The following MAML3 variants were observed in gnomAD, a reference collection of about 807,000 sequenced individuals.
MAML3 encodes mastermind like transcriptional coactivator 3.
A neutral mutation model predicts 101.9 loss-of-function variants in MAML3; 27 were observed. The observed-to-expected ratio is 0.27, with a 90% CI of 0.20 to 0.37. The LOEUF is 0.37. MAML3 is among the 10% of genes least tolerant of loss of function. The probability of loss-of-function intolerance (pLI) is 1.00; values close to 1 mark genes in which losing one functional copy is unlikely to be tolerated. For missense variants in MAML3, 1,316 were observed against 1,444.9 expected (o/e 0.91, Z 1.45); for synonymous variants, 501 against 555.9 (o/e 0.90, Z 1.39).
intron 1 of MAML3, among the ~76,000 whole-genome samples, chr4:139,951,437 G>A (rs990535520): frequency 3.9e-5 from 6 of 152,248 alleles, no homozygotes; most frequent in Non-Finnish European, 7.3e-5. Context: ...CACCAGTGAG[G>A]TCACAGGTTG....
chr4:139,813,238 G>GA (rs201937305), intron 2 of MAML3, among the ~76,000 whole-genome samples: 2,847 of 152,074 alleles, frequency 0.019, 48 homozygotes, highest in Non-Finnish European at 0.03. Flanking sequence ...GAAACGAGAA[G>GA]AAAAAATAGA....
intron 2 of MAML3, among the ~76,000 whole-genome samples, chr4:139,853,145 G>A (rs1731590433): frequency 6.6e-6 from 1 of 152,038 alleles, no homozygotes; most frequent in South Asian, 2.1e-4. Flanking sequence ...CACATTCCAG[G>A]GAACTCTACA....
intron 2 of MAML3, among the ~76,000 whole-genome samples, chr4:139,885,966 A>G (rs1453216722): frequency 4.0e-5 from 6 of 148,494 alleles, no homozygotes; most frequent in Admixed American, 6.7e-5. Context: ...AAGAAAGAGA[A>G]AAAAAGTAAA....
intron 2 of MAML3, among the ~76,000 whole-genome samples, chr4:139,810,579 T>A (rs533726406): frequency 6.6e-6 from 1 of 152,330 alleles, no homozygotes; most frequent in African/African-American, 2.4e-5. Flanking sequence ...CAGAGGGATC[T>A]GTGAGTGATC....
At chr4:140,052,915 G>C (rs1465987156) in intron 1 of MAML3, among the ~76,000 whole-genome samples, 3 of 152,116 alleles carry the variant, frequency 2.0e-5, no homozygotes, top group Non-Finnish European at 1.5e-5. Flanking sequence ...CCTCCTAACA[G>C]GGAAAGTGAG....
intron 1 of MAML3, among the ~76,000 whole-genome samples, chr4:140,146,994 G>A (rs1382271889): frequency 6.6e-6 from 1 of 151,916 alleles, no homozygotes; most frequent in Non-Finnish European, 1.5e-5. Flanking sequence ...TTAGCCAGGC[G>A]TGGTGGTACA....
intron 1 of MAML3, among the ~76,000 whole-genome samples, chr4:140,066,509 G>A (rs1727539544): frequency 1.3e-5 from 2 of 152,120 alleles, no homozygotes; most frequent in South Asian, 4.1e-4. Context: ...AGACTTCTCA[G>A]GCCACACAAG....
At chr4:140,027,252 G>A (rs1331546332) in intron 1 of MAML3, among the ~76,000 whole-genome samples, 1 of 152,194 alleles carries the variant, frequency 6.6e-6, no homozygotes, top group African/African-American at 2.4e-5. Context: ...TCTTGCTCCA[G>A]TTGTTTTCCT....
chr4:139,756,456 C>T (rs1015910672), intron 2 of MAML3, among the ~76,000 whole-genome samples: 10 of 152,178 alleles, frequency 6.6e-5, no homozygotes, highest in African/African-American at 2.4e-4. Context: ...TGTCTGTCAG[C>T]ATTCTCATAG....
chr4:139,775,780 G>A (rs146591006), intron 2 of MAML3, among the ~76,000 whole-genome samples: 115 of 152,260 alleles, frequency 7.6e-4, no homozygotes, highest in Middle Eastern at 3.4e-3. Context: ...TGAAAAGCAC[G>A]GTGGACATCC....
At chr4:139,805,168 G>C (rs1730681089) in intron 2 of MAML3, among the ~76,000 whole-genome samples, 1 of 152,126 alleles carries the variant, frequency 6.6e-6, no homozygotes, top group African/African-American at 2.4e-5. Flanking sequence ...TGGGCAACAA[G>C]AGCGAAAATC....
chr4:139,816,994 T>A (rs192408890), intron 2 of MAML3, among the ~76,000 whole-genome samples: 91 of 152,222 alleles, frequency 6.0e-4, no homozygotes, highest in African/African-American at 2.1e-3. Context: ...ACTGTGATGG[T>A]CTTCCTCCTT....
At chr4:139,734,318 G>A (rs1418934766) in intron 2 of MAML3, among the ~76,000 whole-genome samples, 1 of 152,140 alleles carries the variant, frequency 6.6e-6, no homozygotes, top group Non-Finnish European at 1.5e-5. Flanking sequence ...CTGAGCTTTC[G>A]TCATGCGAGA....
chr4:140,016,567 G>GTAC lies in MAML3; in HGVS notation c.469-125603_469-125601dup, dbSNP rs570159584. ...TAGTTATGGTAATCAAGACTGTGGG[G>GTAC]TACTAGTGAAGAGACAAACACTAGA... is the stretch of plus-strand genomic sequence containing the variant. On this transcript the variant is annotated intron_variant, in intron 1 of 4. Coordinates refer to ENST00000509479, the MANE Select transcript of MAML3 (RefSeq NM_018717.5). 2.4e-3 allele frequency among the ~76,000 whole-genome samples: 370 copies of GTAC among 152,234 alleles called. 1 individual carries two copies. The highest frequency in any genetic ancestry group is 8.3e-3 in the African/African-American group (346 of 41,534).
chr4:140,004,100 G>A (rs1437703880), intron 1 of MAML3, among the ~76,000 whole-genome samples: 1 of 152,188 alleles, frequency 6.6e-6, no homozygotes, highest in Admixed American at 6.5e-5. Context: ...GAGACAGAAT[G>A]TGGATTAGCG....
intron 1 of MAML3, among the ~76,000 whole-genome samples, chr4:140,009,398 T>G (rs1428846315): frequency 1.3e-5 from 2 of 152,194 alleles, no homozygotes; most frequent in Non-Finnish European, 2.9e-5. Context: ...CTGACCCACT[T>G]TCCCTAGTCT....
intron 1 of MAML3, among the ~76,000 whole-genome samples, chr4:140,044,351 C>G (rs1338015531): frequency 6.6e-6 from 1 of 152,138 alleles, no homozygotes; most frequent in African/African-American, 2.4e-5. Flanking sequence ...GATGCTTCAA[C>G]ATGGGGAATG....
chr4:140,044,079 C>T (rs961159005), intron 1 of MAML3, among the ~76,000 whole-genome samples: 17 of 151,666 alleles, frequency 1.1e-4, no homozygotes, highest in African/African-American at 3.9e-4. Context: ...TTTCAGTTCT[C>T]CTGAATAAGG....
chr4:139,912,946 T>C (rs529076489), intron 1 of MAML3, among the ~76,000 whole-genome samples: 3 of 152,334 alleles, frequency 2.0e-5, no homozygotes, highest in Admixed American at 6.5e-5. Flanking sequence ...GGAACTAATA[T>C]AGCCACAGGG....
Sources: allele counts gnomAD v4.1 joint callset (sites outside exome capture counted in the v4.1 genomes callset), GRCh38; gene constraint gnomAD v4.1.1; transcripts MANE v1.5; gene names NCBI Gene and HGNC (gene_info 2026-07-23, HGNC 2026-07-21).